The following HERC2 variants were observed in gnomAD, a reference collection of about 807,000 sequenced individuals.
HERC2 encodes HECT and RLD domain containing E3 ubiquitin protein ligase 2.
In HERC2, 102 loss-of-function variants were observed where a neutral mutation model predicts 537.7. The ratio of observed to expected loss-of-function variants is 0.19; its 90% CI spans 0.16 to 0.22. HERC2 has a LOEUF of 0.22. Among genes scored for constraint, HERC2 ranks in the 10% least tolerant of loss-of-function variants. The pLI, the probability that HERC2 is intolerant of heterozygous loss-of-function variation, is 1.00. For missense variants in HERC2, 4,236 were observed against 6,198.2 expected, an observed-to-expected ratio of 0.68 and a Z score of 10.63; for synonymous variants, 2,224 against 2,466.2, an observed-to-expected ratio of 0.90 and a Z score of 2.91.
intron 67 of HERC2, 107 bp downstream of exon 67, chr15:28,168,300 G>T: frequency 1.9e-6 from 2 of 1,071,344 alleles, no homozygotes; most frequent in South Asian, 1.6e-5. Context: ...AAATCTAAGC[G>T]GGAGGCACAG....
chr15:28,226,924 T>C (rs1256427191), intron 35 of HERC2, among the ~76,000 whole-genome samples: 1 of 152,218 alleles, frequency 6.6e-6, no homozygotes, highest in Non-Finnish European at 1.5e-5. Context: ...AAAGGTTTGG[T>C]ACACTTATAT....
chr15:28,129,746 T>C (rs974944743), intron 83 of HERC2, among the ~76,000 whole-genome samples: 3 of 150,652 alleles, frequency 2.0e-5, no homozygotes, highest in Non-Finnish European at 4.4e-5. Flanking sequence ...TGACTGCAGA[T>C]AGATTCTCAG....
At chr15:28,190,061 T>G (rs1439526553) in intron 55 of HERC2, 15 of 149,124 alleles carry the variant, frequency 1.0e-4, no homozygotes. Flanking sequence ...CAGGCTGGAG[T>G]GCAGTGGCAC....
At chr15:28,254,852 G>A (rs2075204142) in intron 19 of HERC2, among the ~76,000 whole-genome samples, 1 of 152,210 alleles carries the variant, frequency 6.6e-6, no homozygotes, top group African/African-American at 2.4e-5. Flanking sequence ...CAGCTGCTTT[G>A]TAAGGACAAG....
intron 31 of HERC2, 95 bp from the exon 32 acceptor site, chr15:28,229,942 T>A (rs1901654008): frequency 1.7e-5 from 15 of 884,512 alleles, no homozygotes; most frequent in Non-Finnish European, 2.7e-5. Flanking sequence ...ATAATGCTCA[T>A]AGGTTTAAAT....
intron 83 of HERC2, among the ~76,000 whole-genome samples, chr15:28,125,654 A>G (rs557434300): frequency 1.3e-5 from 2 of 152,346 alleles, no homozygotes; most frequent in Admixed American, 6.5e-5. Context: ...AACAGAAAAG[A>G]AAAAGTCTGT....
At chr15:28,245,548 A>C in intron 23 of HERC2, among the ~76,000 whole-genome samples, 1 of 100,390 alleles carries the variant, frequency 1.0e-5, no homozygotes. Flanking sequence ...TGTAGTGTCA[A>C]AAAAAAAAAA....
At chr15:28,206,914 G>A (rs147284172) in intron 44 of HERC2, among the ~76,000 whole-genome samples, 5,588 of 150,856 alleles carry the variant, frequency 0.037, 364 homozygotes, top group African/African-American at 0.13. Flanking sequence ...GCAAGGCTGA[G>A]GCAGGAGAAT....
intron 78 of HERC2, among the ~76,000 whole-genome samples, chr15:28,141,146 G>C (rs1891183366): frequency 6.6e-6 from 1 of 151,962 alleles, no homozygotes; most frequent in African/African-American, 2.4e-5. Context: ...GTTGAGGCAG[G>C]AGAATCACTT....
At position 28,224,149 on chromosome 15, in the gene HERC2, C is replaced by CACACACACACACACACA. The variant is rs1321759830; in HGVS notation, c.5465-1935_5465-1934insTGTGTGTGTGTGTGTGT. Among the ~76,000 whole-genome samples the CACACACACACACACACA allele has an allele frequency of 2.6e-3, 346 of 133,052 alleles. 7 individuals are homozygous for CACACACACACACACACA. The highest frequency in any genetic ancestry group is 3.9e-3 in the Middle Eastern group (1 of 256). 87.3% of individuals were successfully genotyped at this position (133,052 alleles called of 152,430 possible). Reference sequence around the variant, plus strand: ...TAAAAAATTATACACACACACACACCCACACACACACACACACAGAGAGAG... The same window carrying CACACACACACACACACA: ...TAAAAAATTATACACACACACACACCACACACACACACACACACACACACACACACACACAGAGAGAG... On this transcript the variant is annotated intron_variant, in intron 35 of 92. Transcript: ENST00000261609.
At chr15:28,228,128 T>TA in intron 35 of HERC2, 90 bp downstream of exon 35, 68 of 1,121,926 alleles carry the variant, frequency 6.1e-5, no homozygotes, top group Non-Finnish European at 7.8e-5. Flanking sequence ...ACAAAAAGCT[T>TA]TAAAAAAAAA....
intron 69 of HERC2, among the ~76,000 whole-genome samples, chr15:28,157,629 C>T (rs553018804): frequency 1.3e-5 from 2 of 152,254 alleles, no homozygotes; most frequent in South Asian, 2.1e-4. Flanking sequence ...CTTGATTCTT[C>T]TCTCTTTTCT....
At chr15:28,196,112 T>C in intron 52 of HERC2, 103 bp downstream of exon 52, 1 of 1,106,468 alleles carries the variant, frequency 9.0e-7, no homozygotes, top group East Asian at 2.4e-5. Context: ...AGAATTACTG[T>C]ATACATAGGA....
At chr15:28,269,135 T>C (rs4932620) in intron 11 of HERC2, 113 bp downstream of exon 11, 750,981 of 766,950 alleles carry the variant, frequency 0.98, 368,280 homozygotes, top group Non-Finnish European at 0.99. Flanking sequence ...TAAACAGAAC[T>C]TTGTCAATCT....
Position 28,193,657 on chromosome 15 carries a change from A to G in HERC2, c.8261-1506T>C, listed in dbSNP as rs536983778. Reference sequence around the variant, plus strand: ...AGATAAACATCTCCATGCACATGTAAAACCTGTGCAAGATGAAAACAAAAA... The same window carrying G: ...AGATAAACATCTCCATGCACATGTAGAACCTGTGCAAGATGAAAACAAAAA... On this transcript the variant is annotated intron_variant, in intron 52 of 92. Coordinates refer to ENST00000261609, the MANE Select transcript of HERC2 (RefSeq NM_004667.6). Among the ~76,000 whole-genome samples, 462 of 152,282 alleles carry G rather than the reference A, an allele frequency of 3.0e-3. 9 individuals are homozygous for G. Among genetic ancestry groups the G allele is most frequent in the Non-Finnish European group, 3.3e-3 (226 of 68,014 alleles).
In HERC2 at chr15:28,218,807, G is replaced by C. The variant is rs144539287; in HGVS notation, c.5846-136C>G. ...AATTTTAGTGCAGTTTTAGGTTCAC[G>C]CAAAATTGAAAGTACAGAGATTTAT... is the stretch of plus-strand genomic sequence containing the variant. On this transcript the variant is annotated intron_variant, in intron 37 of 92. Transcript: ENST00000261609. 452 of 779,620 alleles carry C rather than the reference G, an allele frequency of 5.8e-4. 1 individual carries two copies. In the African/African-American group the frequency reaches 6.6e-3, roughly 11 times the overall value. The allele number at this position is 779,620 out of a possible 1,614,324, so 48.3% of individuals were successfully genotyped here.
chr15:28,167,705 G>A lies in HERC2; in HGVS notation c.10536C>T (p.Thr3512=). 6.2e-7 allele frequency: 1 copy of A among 1,614,158 alleles called. No homozygotes were observed. Among genetic ancestry groups the A allele is most frequent in the Non-Finnish European group, 8.5e-7 (1 of 1,180,030 alleles). Residue 3512 remains threonine (T), a synonymous_variant, in exon 68 of 93, where the codon ACC becomes ACT. Coordinates refer to ENST00000261609, the MANE Select transcript of HERC2 (RefSeq NM_004667.6). The part of the protein sequence containing the change: ...DLGAASIIAE[T]MTKTKEDVES... ...TCTTCACCTCTTTGGTTTTGGTCAT[G>A]GTTTCTGCAATGATGCTTGCGGCTC...
At chr15:28,175,711 A>G (rs1895217854) in intron 63 of HERC2, 55 bp from the exon 64 acceptor site, 3 of 1,563,808 alleles carry the variant, frequency 1.9e-6, no homozygotes, top group African/African-American at 1.4e-5. Context: ...TGACAATGCT[A>G]TACAAGAAGA....
chr15:28,140,098 TA>T (rs1336074743), intron 78 of HERC2, among the ~76,000 whole-genome samples: 1 of 151,594 alleles, frequency 6.6e-6, no homozygotes, highest in African/African-American at 2.4e-5. Context: ...AGAAAACATC[TA>T]TGAAAGAACA....
Sources: gnomAD v4.1 joint callset for allele counts (sites outside exome capture counted in the v4.1 genomes callset) on GRCh38, gnomAD v4.1.1 for gene constraint, MANE v1.5 for transcripts, NCBI Gene and HGNC (gene_info 2026-07-23, HGNC 2026-07-21) for gene names.